Variants in ABLIM1 observed in about 807,000 individuals in gnomAD.
ABLIM1 encodes actin-binding LIM protein 1.
In ABLIM1, 40 loss-of-function variants were observed where a neutral mutation model predicts 107.0. The ratio of observed to expected loss-of-function variants is 0.37; its 90% CI spans 0.29 to 0.49. The LOEUF is 0.49. Ranked by LOEUF, ABLIM1 falls within the 20% of genes least tolerant of loss-of-function variation. The probability of loss-of-function intolerance (pLI) is 0.97; values close to 1 mark genes in which losing one functional copy is unlikely to be tolerated. For missense variants in ABLIM1, 857 were observed against 1,008.5 expected (o/e 0.85, Z 2.04); for synonymous variants, 357 against 357.3 (o/e 1.00, Z 0.01).
intron 12 of ABLIM1, chr10:114,465,398 C>T (rs1565395022): frequency 4.9e-6 from 1 of 204,260 alleles, no homozygotes; most frequent in East Asian, 1.1e-4. Flanking sequence ...CATTTTAAGT[C>T]TCAAAGTGAA....
chr10:114,542,724 C>A (rs571655299), intron 6 of ABLIM1, among the ~76,000 whole-genome samples: 4 of 152,176 alleles, frequency 2.6e-5, no homozygotes, highest in Non-Finnish European at 4.4e-5. Context: ...AGGGAAATGG[C>A]GTCAGGCCCC....
chr10:114,508,533 T>C (rs889201171), intron 6 of ABLIM1, among the ~76,000 whole-genome samples: 1 of 152,134 alleles, frequency 6.6e-6, no homozygotes, highest in Non-Finnish European at 1.5e-5. Flanking sequence ...GCCCTGTCAC[T>C]ATAAAAAGTA....
intron 1 of ABLIM1, among the ~76,000 whole-genome samples, chr10:114,723,783 T>A (rs1185714937): frequency 6.7e-6 from 1 of 148,386 alleles, no homozygotes; most frequent in Non-Finnish European, 1.5e-5. Flanking sequence ...CTTTTGTACC[T>A]CTTTATATTG....
At chr10:114,731,003 T>C (rs2082061397) in intron 1 of ABLIM1, among the ~76,000 whole-genome samples, 1 of 152,218 alleles carries the variant, frequency 6.6e-6, no homozygotes, top group Admixed American at 6.5e-5. Context: ...TAATTCCTTT[T>C]CACTGTTGAA....
the ABLIM1 span, among the ~76,000 whole-genome samples, chr10:114,788,349 T>A: frequency 0.038 from 4,309 of 113,728 alleles, 77 homozygotes; most frequent in Middle Eastern, 0.061. Context: ...AAAAAAAAAA[T>A]AAATAAATAA....
intron 1 of ABLIM1, among the ~76,000 whole-genome samples, chr10:114,762,300 T>C (rs1206670715): frequency 6.6e-6 from 1 of 152,226 alleles, no homozygotes; most frequent in African/African-American, 2.4e-5. Context: ...CCCAAAGTGC[T>C]GGGATTACAG....
intron 6 of ABLIM1, among the ~76,000 whole-genome samples, chr10:114,511,285 T>G (rs2061827757): frequency 6.6e-6 from 1 of 152,030 alleles, no homozygotes; most frequent in African/African-American, 2.4e-5. Flanking sequence ...AAGAGCAAGA[T>G]GTATTGCTGA....
At chr10:114,478,947 A>G (rs1477975751) in intron 8 of ABLIM1, among the ~76,000 whole-genome samples, 2 of 152,216 alleles carry the variant, frequency 1.3e-5, no homozygotes, top group African/African-American at 4.8e-5. Context: ...AAATAATGGG[A>G]TAAAACACAT....
At chr10:114,717,301 A>C (rs1566268334) in intron 1 of ABLIM1, among the ~76,000 whole-genome samples, 1 of 152,178 alleles carries the variant, frequency 6.6e-6, no homozygotes, top group Non-Finnish European at 1.5e-5. Flanking sequence ...CATTATAATA[A>C]ATTACTTGTG....
At chr10:114,608,958 T>C (rs891917208) in intron 1 of ABLIM1, among the ~76,000 whole-genome samples, 1 of 151,454 alleles carries the variant, frequency 6.6e-6, no homozygotes, top group Non-Finnish European at 1.5e-5. Flanking sequence ...GAGGGTGCAG[T>C]GAGCCGAGAT....
chr10:114,481,700 G>A (rs1281892391), intron 8 of ABLIM1, among the ~76,000 whole-genome samples: 6 of 152,166 alleles, frequency 3.9e-5, no homozygotes, highest in South Asian at 2.1e-4. Flanking sequence ...GCCATCAGCC[G>A]TTATTACATG....
chr10:114,703,344 G>A (rs1238634485), intron 1 of ABLIM1, among the ~76,000 whole-genome samples: 2 of 152,164 alleles, frequency 1.3e-5, no homozygotes, highest in Non-Finnish European at 2.9e-5. Flanking sequence ...CTACTCTGCT[G>A]CCACAGCAGC....
At chr10:114,800,285 C>T in the ABLIM1 span, among the ~76,000 whole-genome samples, 3 of 151,984 alleles carry the variant, frequency 2.0e-5, no homozygotes, top group African/African-American at 4.8e-5. Flanking sequence ...AGACAGTATT[C>T]GACATCCTGT....
At position 114,730,926 on chromosome 10, in the gene ABLIM1, G is replaced by A. The variant is rs1566282387; in HGVS notation, c.-213+37135C>T. Among the ~76,000 whole-genome samples the A allele has an allele frequency of 2.6e-5, 4 of 151,996 alleles. No individual in the cohort carries two copies. The South Asian group carries it at 8.3e-4, about 32-fold the overall frequency. On this transcript the variant is annotated intron_variant, in intron 1 of 15. Transcript: ENST00000651092. ...AGAATCACACAATATCTGATCTTTG[G>A]TGCTGGTCTCTTTCACTTAGTGTGT... is the stretch of plus-strand genomic sequence containing the variant.
At chr10:114,639,439 G>T (rs561146117) in intron 1 of ABLIM1, among the ~76,000 whole-genome samples, 1 of 152,332 alleles carries the variant, frequency 6.6e-6, no homozygotes, top group South Asian at 2.1e-4. Context: ...CCTACCCAGT[G>T]GTTATTCTAT....
chr10:114,530,914 A>G (rs1011124475), intron 6 of ABLIM1, among the ~76,000 whole-genome samples: 2 of 152,268 alleles, frequency 1.3e-5, no homozygotes, highest in African/African-American at 4.8e-5. Flanking sequence ...GTTAAAGGAC[A>G]TGGCAAAAAT....
At chr10:114,590,482 A>G (rs2074737175) in intron 2 of ABLIM1, among the ~76,000 whole-genome samples, 1 of 152,146 alleles carries the variant, frequency 6.6e-6, no homozygotes, top group South Asian at 2.1e-4. Flanking sequence ...CCCCTTTCCA[A>G]TTAGCTTTTA....
chr10:114,607,801 G>A (rs930631176), intron 1 of ABLIM1, among the ~76,000 whole-genome samples: 2 of 152,238 alleles, frequency 1.3e-5, no homozygotes, highest in East Asian at 3.9e-4. Flanking sequence ...TCACAGCCAA[G>A]AGGAGCCTAC....
At chr10:114,468,483 T>C (rs190098982) in intron 10 of ABLIM1, among the ~76,000 whole-genome samples, 8 of 152,132 alleles carry the variant, frequency 5.3e-5, no homozygotes, top group African/African-American at 1.4e-4. Flanking sequence ...ACTGCGTTAG[T>C]CAGGATGGTC....
Sources: gnomAD v4.1 joint callset for allele counts (sites outside exome capture counted in the v4.1 genomes callset) on GRCh38, gnomAD v4.1.1 for gene constraint, MANE v1.5 for transcripts, NCBI Gene and HGNC (gene_info 2026-07-23, HGNC 2026-07-21) for gene names.